Variants in GALNTL6 observed in about 807,000 individuals in gnomAD.
The protein encoded by GALNTL6 is polypeptide N-acetylgalactosaminyltransferase like 6, also known as polypeptide N-acetylgalactosaminyltransferase-like 6.
Under a neutral mutation model 73.7 loss-of-function variants are expected in GALNTL6, and 46 were observed. The observed-to-expected ratio is 0.62, with a 90% CI of 0.49 to 0.80. The LOEUF (loss-of-function observed/expected upper bound fraction) is 0.80. Ranked by LOEUF, GALNTL6 falls within the 30% of genes least tolerant of loss-of-function variation. GALNTL6 has a pLI of 0.00. For synonymous variants in GALNTL6, 259 were observed against 263.7 expected (o/e 0.98, Z 0.17); for missense variants, 604 against 755.0 (o/e 0.80, Z 2.34).
At chr4:172,541,795 T>C (rs114802662) in intron 5 of GALNTL6, among the ~76,000 whole-genome samples, 19 of 152,278 alleles carry the variant, frequency 1.2e-4, no homozygotes, top group Non-Finnish European at 2.5e-4. Context: ...CCCTTGCCAG[T>C]TGAATGCTCC....
chr4:172,520,679 A>G (rs1734748703), intron 5 of GALNTL6, among the ~76,000 whole-genome samples: 2 of 152,006 alleles, frequency 1.3e-5, no homozygotes, highest in African/African-American at 4.8e-5. Flanking sequence ...TATTTATTTC[A>G]AAATTAAACT....
intron 7 of GALNTL6, among the ~76,000 whole-genome samples, chr4:172,872,035 C>T (rs1261417178): frequency 1.3e-5 from 2 of 152,156 alleles, no homozygotes; most frequent in African/African-American, 4.8e-5. Flanking sequence ...TCAGGTGATT[C>T]ACCCTCCTCG....
chr4:172,982,103 T>A (rs1314479298), intron 10 of GALNTL6, among the ~76,000 whole-genome samples: 1 of 152,172 alleles, frequency 6.6e-6, no homozygotes, highest in East Asian at 1.9e-4. Flanking sequence ...CCAAACATCT[T>A]AACAATATTA....
At chr4:172,109,382 C>T (rs78760819) in intron 2 of GALNTL6, among the ~76,000 whole-genome samples, 2,500 of 152,228 alleles carry the variant, frequency 0.016, 65 homozygotes, top group African/African-American at 0.054. Flanking sequence ...AATTGGTTGT[C>T]CTCAGAGTTG....
intron 5 of GALNTL6, among the ~76,000 whole-genome samples, chr4:172,486,978 A>G (rs967893871): frequency 1.3e-5 from 2 of 152,216 alleles, no homozygotes; most frequent in Non-Finnish European, 2.9e-5. Flanking sequence ...TAAATCACCT[A>G]TTTCATTAAA....
At chr4:172,443,003 C>G (rs1445553502) in intron 5 of GALNTL6, among the ~76,000 whole-genome samples, 7 of 150,372 alleles carry the variant, frequency 4.7e-5, no homozygotes, top group African/African-American at 1.7e-4. Context: ...ATTTATTTAC[C>G]TTTAAAAAAT....
At chr4:172,981,551 T>C (rs774537040) in intron 10 of GALNTL6, among the ~76,000 whole-genome samples, 1 of 152,206 alleles carries the variant, frequency 6.6e-6, no homozygotes, top group Non-Finnish European at 1.5e-5. Flanking sequence ...TTTCTATTGG[T>C]CTATATGTCT....
chr4:171,945,531 G>A (rs179641), intron 2 of GALNTL6, among the ~76,000 whole-genome samples: 110,004 of 152,026 alleles, frequency 0.72, 40,850 homozygotes, highest in Admixed American at 0.84. Context: ...CAATCTATTC[G>A]TTTTCATGCA....
At chr4:173,009,641 A>G (rs1752457015) in intron 11 of GALNTL6, among the ~76,000 whole-genome samples, 1 of 152,188 alleles carries the variant, frequency 6.6e-6, no homozygotes, top group Admixed American at 6.5e-5. Context: ...AACACTTCCA[A>G]CTAAATTTCA....
At chr4:173,033,799 C>T (rs1358291459) in intron 12 of GALNTL6, among the ~76,000 whole-genome samples, 1 of 152,182 alleles carries the variant, frequency 6.6e-6, no homozygotes, top group Non-Finnish European at 1.5e-5. Flanking sequence ...GGAAGGAGTT[C>T]TCTCTTACAG....
chr4:172,348,483 T>G, intron 4 of GALNTL6, 40 bp from the exon 5 acceptor site: 1 of 1,524,566 alleles, frequency 6.6e-7, no homozygotes, highest in Admixed American at 1.7e-5. Flanking sequence ...ATACAAGAGT[T>G]TTGTATTTGA....
chr4:172,854,534 TGACA>T (rs1744023660), intron 7 of GALNTL6, among the ~76,000 whole-genome samples: 2 of 152,192 alleles, frequency 1.3e-5, no homozygotes, highest in African/African-American at 4.8e-5. Flanking sequence ...TATGCTCTCC[TGACA>T]GAGACAGTTT....
intron 5 of GALNTL6, among the ~76,000 whole-genome samples, chr4:172,513,880 G>A (rs915270875): frequency 2.6e-5 from 4 of 152,176 alleles, no homozygotes; most frequent in South Asian, 4.1e-4. Context: ...TTGTTTTCTC[G>A]TATGCTGGTT....
intron 2 of GALNTL6, among the ~76,000 whole-genome samples, chr4:171,886,273 G>T (rs1736604966): frequency 6.6e-6 from 1 of 152,060 alleles, no homozygotes; most frequent in Admixed American, 6.5e-5. Flanking sequence ...AAATTATACT[G>T]TTACCTGTGC....
chr4:171,954,793 C>T (rs924164781), intron 2 of GALNTL6, among the ~76,000 whole-genome samples: 3 of 152,124 alleles, frequency 2.0e-5, no homozygotes, highest in Non-Finnish European at 1.5e-5. Context: ...CCCCTCTCTT[C>T]TCTCTTGACA....
Position 172,433,139 on chromosome 4 carries a change from G to C in GALNTL6, c.553+84450G>C, listed in dbSNP as rs1411080362. 3.3e-5 allele frequency among the ~76,000 whole-genome samples: 5 copies of C among 152,130 alleles called. 1 individual carries two copies. Among genetic ancestry groups the C allele is most frequent in the Non-Finnish European group, 1.5e-5 (1 of 68,024 alleles). ...GAATAGAGAATCACAGATTATTTCA[G>C]GGTCATACTGTAGCAATGTAACATC... On this transcript the variant is annotated intron_variant, in intron 5 of 12. Coordinates refer to ENST00000506823, the MANE Select transcript of GALNTL6 (RefSeq NM_001034845.3).
At chr4:172,286,887 A>G (rs1364155699) in intron 3 of GALNTL6, among the ~76,000 whole-genome samples, 2 of 152,248 alleles carry the variant, frequency 1.3e-5, no homozygotes, top group Admixed American at 1.3e-4. Flanking sequence ...AAAATACATT[A>G]CAGTGACTCA....
intron 5 of GALNTL6, among the ~76,000 whole-genome samples, chr4:172,433,832 C>A (rs335970): frequency 5.9e-5 from 9 of 152,054 alleles, no homozygotes; most frequent in Non-Finnish European, 1.3e-4. Context: ...ATTTGTGTTG[C>A]GCAAAGTAAA....
chr4:172,341,754 T>C (rs1254839202), intron 4 of GALNTL6, among the ~76,000 whole-genome samples: 1 of 152,184 alleles, frequency 6.6e-6, no homozygotes, highest in East Asian at 1.9e-4. Context: ...TCCATGATTG[T>C]GAAGCTTCCC....
Sources: allele counts gnomAD v4.1 joint callset (sites outside exome capture counted in the v4.1 genomes callset), GRCh38; gene constraint gnomAD v4.1.1; transcripts MANE v1.5; gene names NCBI Gene and HGNC (gene_info 2026-07-23, HGNC 2026-07-21).